C1D: variants seen among roughly 807,000 people sequenced by gnomAD.
C1D encodes nuclear nucleic acid-binding protein C1D.
C1D carries 10 observed loss-of-function variants against 17.5 expected under a neutral mutation model. The observed-to-expected ratio is 0.57, with a 90% CI of 0.35 to 0.97. C1D has a LOEUF of 0.97. C1D is among the 50% of genes least tolerant of loss of function. C1D has a pLI of 0.01. For synonymous variants in C1D, 49 were observed against 54.0 expected, an observed-to-expected ratio of 0.91 and a Z score of 0.40; for missense variants, 136 against 160.1, an observed-to-expected ratio of 0.85 and a Z score of 0.81.
chr2:68,062,263 T>C (rs1180439713), intron 1 of C1D, among the ~76,000 whole-genome samples: 4 of 152,226 alleles, frequency 2.6e-5, no homozygotes, highest in South Asian at 2.1e-4. Flanking sequence ...ACAGTCCTAA[T>C]AGGTTAATAA....
intron 1 of C1D, among the ~76,000 whole-genome samples, chr2:68,052,879 T>C (rs1033686138): frequency 4.1e-4 from 63 of 152,222 alleles, no homozygotes; most frequent in African/African-American, 1.4e-3. Context: ...GATCAAGCAG[T>C]GACTCTACGA....
In C1D at chr2:68,042,827, G is replaced by C. The variant is rs1670997959; in HGVS notation, c.*62C>G. ...CCTTGCCCTGCCACAGAATTATTTT[G>C]CGGGGGGGGGGGGGGGGGGGAAGAT... On this transcript the variant is annotated 3_prime_UTR_variant, in exon 5 of 5. Coordinates refer to ENST00000410067, the MANE Select transcript of C1D (RefSeq NM_173177.3). 2.8e-6 allele frequency: 1 copy of C among 361,736 alleles called. No individual in the cohort carries two copies. Among genetic ancestry groups the C allele is most frequent in the South Asian group, 2.6e-5 (1 of 38,156 alleles). The allele number at this position is 361,736 out of a possible 1,614,324, so 22.4% of individuals were successfully genotyped here. A position where few individuals can be genotyped will look rare whatever the true frequency, so the allele number is the denominator to read the frequency against.
chr2:68,050,333 C>T (rs778242275), intron 1 of C1D, among the ~76,000 whole-genome samples: 21 of 151,450 alleles, frequency 1.4e-4, no homozygotes, highest in Non-Finnish European at 2.9e-5. Context: ...CTTCATATCA[C>T]CCCCCAGCTA....
At chr2:68,046,153 C>T (rs1239605475) in intron 3 of C1D, 110 bp from the exon 4 acceptor site, 11 of 891,754 alleles carry the variant, frequency 1.2e-5, no homozygotes, top group African/African-American at 8.6e-5. Context: ...AACAATTAAA[C>T]TTTAAATTAT....
At chr2:68,044,532 C>T (rs1338006428) in intron 4 of C1D, among the ~76,000 whole-genome samples, 1 of 151,990 alleles carries the variant, frequency 6.6e-6, no homozygotes, top group Non-Finnish European at 1.5e-5. Flanking sequence ...CATGGTGAAA[C>T]CCCGTCTCTA....
intron 4 of C1D, among the ~76,000 whole-genome samples, chr2:68,045,067 T>C (rs1671080837): frequency 6.6e-6 from 1 of 152,180 alleles, no homozygotes; most frequent in South Asian, 2.1e-4. Context: ...ATAAATTTAT[T>C]TTCCCCCCCA....
chr2:68,044,973 G>GT (rs1671077179), intron 4 of C1D, among the ~76,000 whole-genome samples: 1 of 152,240 alleles, frequency 6.6e-6, no homozygotes, highest in Middle Eastern at 3.4e-3. Flanking sequence ...GTTTAAAGCC[G>GT]TATCACTGGT....
At chr2:68,052,170 A>G (rs1007075287) in intron 1 of C1D, among the ~76,000 whole-genome samples, 1 of 152,184 alleles carries the variant, frequency 6.6e-6, no homozygotes, top group Non-Finnish European at 1.5e-5. Flanking sequence ...AACATTGTAT[A>G]TAACACATAA....
intron 4 of C1D, among the ~76,000 whole-genome samples, chr2:68,045,784 C>T (rs574217170): frequency 6.6e-6 from 1 of 151,640 alleles, no homozygotes; most frequent in South Asian, 2.1e-4. Context: ...TAACATTTTC[C>T]CATTCCGAGA....
At chr2:68,043,081 A>G in intron 4 of C1D, 28 bp from the exon 5 acceptor site, 1 of 1,519,144 alleles carries the variant, frequency 6.6e-7, no homozygotes, top group Non-Finnish European at 9.0e-7. Context: ...AAGGCAATAG[A>G]TTTACTAAGC....
At chr2:68,052,040 G>A (rs539716146) in intron 1 of C1D, among the ~76,000 whole-genome samples, 2 of 151,858 alleles carry the variant, frequency 1.3e-5, no homozygotes, top group Non-Finnish European at 2.9e-5. Flanking sequence ...CATCGACAGG[G>A]AAACAGTTAA....
intron 1 of C1D, among the ~76,000 whole-genome samples, chr2:68,052,280 T>C (rs949369500): frequency 3.3e-5 from 5 of 152,162 alleles, no homozygotes; most frequent in African/African-American, 1.2e-4. Flanking sequence ...ACATTTTCTC[T>C]GAAAAGAGAC....
intron 1 of C1D, among the ~76,000 whole-genome samples, chr2:68,057,061 T>C (rs1036101751): frequency 6.6e-5 from 10 of 152,160 alleles, no homozygotes; most frequent in African/African-American, 1.9e-4. Flanking sequence ...TACTCTGCAG[T>C]AGTGAAAAGG....
At chr2:68,047,346 C>A in intron 1 of C1D, 27 bp from the exon 2 acceptor site, 1 of 1,570,664 alleles carries the variant, frequency 6.4e-7, no homozygotes, top group Non-Finnish European at 8.6e-7. Flanking sequence ...TCTTTGAATT[C>A]ATATTAGAGA....
intron 1 of C1D, among the ~76,000 whole-genome samples, chr2:68,062,166 T>A (rs560175522): frequency 7.9e-5 from 12 of 152,200 alleles, no homozygotes; most frequent in Non-Finnish European, 1.8e-4. Context: ...GTGTACCCCA[T>A]AAATATATAC....
intron 2 of C1D, 99 bp downstream of exon 2, chr2:68,047,074 G>T: frequency 9.8e-7 from 1 of 1,022,978 alleles, no homozygotes. Context: ...AAGGGGAAAA[G>T]GGGCATAGGT....
At chr2:68,054,929 GC>G (rs1221744225) in intron 1 of C1D, among the ~76,000 whole-genome samples, 2 of 150,652 alleles carry the variant, frequency 1.3e-5, no homozygotes, top group Non-Finnish European at 2.9e-5. Context: ...TTACACTACT[GC>G]ACTCCAGCCT....
chr2:68,057,795 C>A (rs1015872668), intron 1 of C1D, among the ~76,000 whole-genome samples: 18 of 152,204 alleles, frequency 1.2e-4, no homozygotes, highest in African/African-American at 4.3e-4. Context: ...TTCTTTACCA[C>A]TGTTACATTC....
intron 4 of C1D, 48 bp from the exon 5 acceptor site, chr2:68,043,101 C>T: frequency 7.1e-7 from 1 of 1,403,466 alleles, no homozygotes; most frequent in Admixed American, 2.2e-5. Flanking sequence ...CTATTCGCCA[C>T]CACTGAATTT....
Sources: allele counts gnomAD v4.1 joint callset (sites outside exome capture counted in the v4.1 genomes callset), GRCh38; gene constraint gnomAD v4.1.1; transcripts MANE v1.5; gene names NCBI Gene and HGNC (gene_info 2026-07-23, HGNC 2026-07-21).